Variants in SLC8A1 observed in about 807,000 individuals in gnomAD.
SLC8A1 encodes solute carrier family 8 member A1.
SLC8A1 carries 18 observed loss-of-function variants against 68.3 expected under a neutral mutation model. That is an observed-to-expected ratio of 0.26 (90% CI 0.18 to 0.39). The LOEUF (loss-of-function observed/expected upper bound fraction) is 0.39. SLC8A1 is among the 10% of genes least tolerant of loss of function. The pLI, the probability that SLC8A1 is intolerant of heterozygous loss-of-function variation, is 1.00. For missense variants in SLC8A1, 985 were observed against 1,156.7 expected (o/e 0.85, Z 2.15); for synonymous variants, 475 against 415.5 (o/e 1.14, Z -1.74).
intron 4 of SLC8A1, among the ~76,000 whole-genome samples, chr2:40,172,632 T>A (rs1202071306): frequency 6.6e-6 from 1 of 151,986 alleles, no homozygotes; most frequent in African/African-American, 2.4e-5. Flanking sequence ...TCAAATGACA[T>A]AGAAGGAAGG....
At chr2:40,224,694 G>C (rs1009732288) in intron 2 of SLC8A1, among the ~76,000 whole-genome samples, 7 of 152,130 alleles carry the variant, frequency 4.6e-5, no homozygotes, top group Non-Finnish European at 8.8e-5. Context: ...AAGTGATTCT[G>C]AATTATTATC....
At chr2:40,258,449 T>C (rs1413552865) in intron 2 of SLC8A1, among the ~76,000 whole-genome samples, 2 of 152,188 alleles carry the variant, frequency 1.3e-5, no homozygotes. Context: ...GCACCAAGGC[T>C]CCTACCTGTC....
intron 2 of SLC8A1, among the ~76,000 whole-genome samples, chr2:40,321,988 G>A (rs2075257936): frequency 6.6e-6 from 1 of 152,118 alleles, no homozygotes; most frequent in South Asian, 2.1e-4. Flanking sequence ...AGGGTATGCT[G>A]GTGAATCTCT....
intron 2 of SLC8A1, among the ~76,000 whole-genome samples, chr2:40,245,881 C>T (rs1328285372): frequency 2.0e-5 from 3 of 152,004 alleles, no homozygotes; most frequent in Admixed American, 6.6e-5. Context: ...TACTTTCATT[C>T]GAGACTCATT....
At chr2:40,271,336 T>C (rs1316231732) in intron 2 of SLC8A1, among the ~76,000 whole-genome samples, 6 of 152,098 alleles carry the variant, frequency 3.9e-5, no homozygotes, top group Non-Finnish European at 8.8e-5. Context: ...AACCAGCTTG[T>C]GTCTCGGCTC....
At chr2:40,106,408 A>T (rs1441178462) in exon 8 of SLC8A1, 1 of 152,178 alleles carries the variant, frequency 6.6e-6, no homozygotes, top group Non-Finnish European at 1.5e-5. Flanking sequence ...TTTGGGTGCT[A>T]GACTCATTTA....
intron 4 of SLC8A1, among the ~76,000 whole-genome samples, chr2:40,168,386 G>C (rs1009331298): frequency 1.3e-5 from 2 of 152,182 alleles, no homozygotes; most frequent in African/African-American, 2.4e-5. Context: ...TCCAGGCAGA[G>C]AGAAATCAAA....
At chr2:40,108,537 G>A (rs2034365052) in exon 8 of SLC8A1, 1 of 152,110 alleles carries the variant, frequency 6.6e-6, no homozygotes, top group Non-Finnish European at 1.5e-5. Flanking sequence ...AATTACATGA[G>A]CATTATTTGA....
At chr2:40,194,971 G>A (rs2052679389) in intron 2 of SLC8A1, among the ~76,000 whole-genome samples, 1 of 152,124 alleles carries the variant, frequency 6.6e-6, no homozygotes, top group East Asian at 1.9e-4. Flanking sequence ...GTAAACCACT[G>A]GGTGAGATGG....
intron 2 of SLC8A1, among the ~76,000 whole-genome samples, chr2:40,331,891 C>T (rs1042874795): frequency 6.6e-6 from 1 of 152,104 alleles, no homozygotes; most frequent in Non-Finnish European, 1.5e-5. Context: ...CCGTGACCGG[C>T]CTAGGATGGC....
intron 2 of SLC8A1, among the ~76,000 whole-genome samples, chr2:40,281,351 A>G (rs2067488868): frequency 6.6e-6 from 1 of 152,036 alleles, no homozygotes; most frequent in African/African-American, 2.4e-5. Flanking sequence ...TAGTTTCTGG[A>G]AAGGGCAATA....
chr2:40,424,032 A>T (rs1288073364), intron 2 of SLC8A1, among the ~76,000 whole-genome samples: 5 of 152,012 alleles, frequency 3.3e-5, no homozygotes, highest in South Asian at 2.1e-4. Context: ...ATATGTCAGT[A>T]TAAAATATCA....
intron 1 of SLC8A1, among the ~76,000 whole-genome samples, chr2:40,431,820 C>T (rs531887492): frequency 4.6e-5 from 7 of 152,106 alleles, no homozygotes; most frequent in Non-Finnish European, 1.0e-4. Flanking sequence ...ATGGCTTATA[C>T]TGCAAACTGC....
At chr2:40,401,191 G>A (rs186584462) in intron 2 of SLC8A1, among the ~76,000 whole-genome samples, 96 of 152,168 alleles carry the variant, frequency 6.3e-4, no homozygotes, top group African/African-American at 2.0e-3. Flanking sequence ...ATTTCTCTGT[G>A]GCATGCCTGC....
At chr2:40,172,378 G>T (rs1304997542) in intron 4 of SLC8A1, among the ~76,000 whole-genome samples, 1 of 152,124 alleles carries the variant, frequency 6.6e-6, no homozygotes, top group East Asian at 1.9e-4. Flanking sequence ...TTAGGAAGAG[G>T]TGATGGTAAT....
intron 7 of SLC8A1, among the ~76,000 whole-genome samples, chr2:40,131,364 G>T (rs2148206294): frequency 6.6e-6 from 1 of 152,266 alleles, no homozygotes; most frequent in Admixed American, 6.5e-5. Context: ...TGTGAGCTTT[G>T]CACTGAGAAC....
intron 1 of SLC8A1, among the ~76,000 whole-genome samples, chr2:40,463,862 A>G (rs1703491360): frequency 6.8e-6 from 1 of 146,278 alleles, no homozygotes; most frequent in African/African-American, 2.5e-5. Flanking sequence ...ACACACACAC[A>G]CACACACACA....
chr2:40,303,411 A>G (rs1195710339), intron 2 of SLC8A1, among the ~76,000 whole-genome samples: 1 of 152,128 alleles, frequency 6.6e-6, no homozygotes, highest in African/African-American at 2.4e-5. Context: ...TATTTTAGGC[A>G]CCCATTGATA....
intron 2 of SLC8A1, among the ~76,000 whole-genome samples, chr2:40,249,644 A>G (rs993319602): frequency 1.3e-4 from 20 of 152,180 alleles, no homozygotes; most frequent in East Asian, 1.9e-4. Context: ...TGTTTTTTGT[A>G]AATTGTACTT....
Sources: gnomAD v4.1 joint callset for allele counts (sites outside exome capture counted in the v4.1 genomes callset) on GRCh38, gnomAD v4.1.1 for gene constraint, MANE v1.5 for transcripts, NCBI Gene and HGNC (gene_info 2026-07-23, HGNC 2026-07-21) for gene names.